The following SPTLC2 variants were observed in gnomAD, a reference collection of about 807,000 sequenced individuals.
SPTLC2 encodes serine palmitoyltransferase long chain base subunit 2.
SPTLC2 carries 21 observed loss-of-function variants against 62.0 expected under a neutral mutation model. The ratio of observed to expected loss-of-function variants is 0.34; its 90% CI spans 0.24 to 0.49. The LOEUF (loss-of-function observed/expected upper bound fraction) is 0.49, where lower values mean the gene tolerates loss of function less well. SPTLC2 is among the 20% of genes least tolerant of loss of function. The pLI is 0.99. For synonymous variants in SPTLC2, 261 were observed against 261.8 expected, an observed-to-expected ratio of 1.00 and a Z score of 0.03; for missense variants, 511 against 713.0, an observed-to-expected ratio of 0.72 and a Z score of 3.23.
intron 1 of SPTLC2, among the ~76,000 whole-genome samples, chr14:77,600,953 C>G (rs2079874061): frequency 6.6e-6 from 1 of 151,980 alleles, no homozygotes; most frequent in African/African-American, 2.4e-5. Context: ...CTAACCAAAG[C>G]AATAATGGGA....
At chr14:77,526,112 T>TAG (rs201389079) in intron 9 of SPTLC2, among the ~76,000 whole-genome samples, 2 of 11,224 alleles carry the variant, frequency 1.8e-4, no homozygotes, top group Non-Finnish European at 3.7e-3. Flanking sequence ...CCCTGGCATT[T>TAG]ACACGTTAGA....
At chr14:77,570,340 A>G in intron 5 of SPTLC2, 44 bp downstream of exon 5, 1 of 1,608,160 alleles carries the variant, frequency 6.2e-7, no homozygotes. Flanking sequence ...AAAACAAAAG[A>G]AGATATACAT....
chr14:77,515,298 C>T (rs1316769865), intron 11 of SPTLC2, among the ~76,000 whole-genome samples: 1 of 151,994 alleles, frequency 6.6e-6, no homozygotes, highest in Non-Finnish European at 1.5e-5. Context: ...TTAATTTCTG[C>T]AAAAAAGGGC....
At chr14:77,580,865 TA>T (rs1305678985) in intron 2 of SPTLC2, among the ~76,000 whole-genome samples, 4 of 152,146 alleles carry the variant, frequency 2.6e-5, no homozygotes, top group African/African-American at 9.7e-5. Context: ...AATAAATTTT[TA>T]AAAAGAAAGA....
chr14:77,582,424 G>A (rs1015926377), intron 2 of SPTLC2, among the ~76,000 whole-genome samples: 6 of 152,080 alleles, frequency 3.9e-5, no homozygotes, highest in Non-Finnish European at 7.4e-5. Flanking sequence ...AATATTAAGA[G>A]AAATATTTCC....
intron 10 of SPTLC2, 125 bp from the exon 11 acceptor site, chr14:77,518,292 T>TAAAGGAAAC: frequency 1.5e-6 from 2 of 1,371,232 alleles, no homozygotes; most frequent in Non-Finnish European, 2.0e-6. Flanking sequence ...TAATAGGAGT[T>TAAAGGAAAC]TCCTTTAACT....
intron 3 of SPTLC2, among the ~76,000 whole-genome samples, chr14:77,577,228 A>G (rs1164034877): frequency 6.6e-6 from 1 of 152,086 alleles, no homozygotes; most frequent in Non-Finnish European, 1.5e-5. Context: ...ATTAAAAGAT[A>G]TACATACTCA....
intron 2 of SPTLC2, among the ~76,000 whole-genome samples, chr14:77,589,941 G>A (rs1027326042): frequency 2.0e-5 from 3 of 148,664 alleles, no homozygotes; most frequent in African/African-American, 7.5e-5. Flanking sequence ...TCATGCGATT[G>A]CACTCCAGCC....
intron 9 of SPTLC2, among the ~76,000 whole-genome samples, chr14:77,532,545 G>A (rs1336797251): frequency 6.6e-6 from 1 of 152,118 alleles, no homozygotes; most frequent in Non-Finnish European, 1.5e-5. Context: ...AGCACTTTGG[G>A]AGGCCGAGGC....
At chr14:77,577,044 C>T in intron 3 of SPTLC2, 129 bp from the exon 4 acceptor site, 2 of 959,910 alleles carry the variant, frequency 2.1e-6, no homozygotes, top group Non-Finnish European at 3.2e-6. Context: ...CTCAAACACA[C>T]TACCAATTAT....
intron 5 of SPTLC2, among the ~76,000 whole-genome samples, chr14:77,564,341 G>C (rs1407227684): frequency 6.7e-6 from 1 of 150,162 alleles, no homozygotes; most frequent in African/African-American, 2.5e-5. Context: ...TAAGGAAAAG[G>C]AGAAGACTAG....
intron 4 of SPTLC2, among the ~76,000 whole-genome samples, 177 bp from the exon 5 acceptor site, chr14:77,570,685 C>T (rs904138135): frequency 1.3e-5 from 2 of 151,984 alleles, no homozygotes; most frequent in Admixed American, 1.3e-4. Context: ...GTAATATGTG[C>T]TCATAAAGAA....
At chr14:77,531,472 T>TCCTCCCCCC (rs2079439342) in intron 9 of SPTLC2, among the ~76,000 whole-genome samples, 1 of 91,178 alleles carries the variant, frequency 1.1e-5, no homozygotes, top group African/African-American at 5.0e-5. Flanking sequence ...CTCCTCCTCC[T>TCCTCCCCCC]CCCCCTCCCC....
chr14:77,602,590 C>T (rs2079884140), intron 1 of SPTLC2, among the ~76,000 whole-genome samples: 1 of 151,222 alleles, frequency 6.6e-6, no homozygotes, highest in African/African-American at 2.4e-5. Context: ...CACTCTGCCA[C>T]CCAGGATGGA....
At chr14:77,562,349 AAG>A (rs2079619317) in intron 6 of SPTLC2, 45 bp downstream of exon 6, 1 of 1,553,242 alleles carries the variant, frequency 6.4e-7, no homozygotes, top group East Asian at 2.2e-5. Context: ...CATGGATCGA[AAG>A]AATAGCAAAA....
intron 1 of SPTLC2, among the ~76,000 whole-genome samples, chr14:77,612,287 A>G (rs1240091069): frequency 6.6e-6 from 1 of 152,256 alleles, no homozygotes; most frequent in African/African-American, 2.4e-5. Flanking sequence ...TCTATGGCAC[A>G]TGGGCAAACC....
rs76835565 is a variant in SPTLC2, at chr14:77,610,125, G to C, written c.132+6323C>G. On this transcript the variant is annotated intron_variant, in intron 1 of 11. Coordinates refer to ENST00000216484, the MANE Select transcript of SPTLC2 (RefSeq NM_004863.4). ...TTAGCAATCCTAGTGGTGTGAAATG[G>C]TATCTAACTGAGGTTTTGTTTTGTT... Among the ~76,000 whole-genome samples, 915 of 127,786 alleles carry C rather than the reference G, an allele frequency of 7.2e-3. 14 individuals carry two copies. The highest frequency in any genetic ancestry group is 0.025 in the African/African-American group (866 of 34,630). 83.8% of individuals were successfully genotyped at this position (127,786 alleles called of 152,430 possible).
chr14:77,591,095 G>A (rs1490389512), intron 2 of SPTLC2, among the ~76,000 whole-genome samples: 2 of 152,216 alleles, frequency 1.3e-5, no homozygotes, highest in African/African-American at 4.8e-5. Flanking sequence ...CCTATAGTAA[G>A]TAGAGATGAC....
At chr14:77,530,816 C>A (rs561799920) in intron 9 of SPTLC2, among the ~76,000 whole-genome samples, 1 of 152,280 alleles carries the variant, frequency 6.6e-6, no homozygotes, top group East Asian at 1.9e-4. Flanking sequence ...ATGATGTATT[C>A]TAGCTCCTGT....
Sources: allele counts gnomAD v4.1 joint callset (sites outside exome capture counted in the v4.1 genomes callset), GRCh38; gene constraint gnomAD v4.1.1; transcripts MANE v1.5; gene names NCBI Gene and HGNC (gene_info 2026-07-23, HGNC 2026-07-21).